TMC2: variants seen among roughly 807,000 people sequenced by gnomAD.
TMC2 encodes transmembrane channel-like protein 2.
TMC2 carries 102 observed loss-of-function variants against 105.9 expected under a neutral mutation model. The ratio of observed to expected loss-of-function variants is 0.96; its 90% CI spans 0.82 to 1.14. TMC2 has a LOEUF of 1.14. Among genes scored for constraint, TMC2 ranks in the 50% most tolerant of loss-of-function variants. TMC2 has a pLI of 0.00. For synonymous variants in TMC2, 402 were observed against 422.8 expected (o/e 0.95, Z 0.60); for missense variants, 1,093 against 1,134.3 (o/e 0.96, Z 0.52).
At chr20:2,609,640 C>T (rs2086420476) in intron 11 of TMC2, among the ~76,000 whole-genome samples, 1 of 152,106 alleles carries the variant, frequency 6.6e-6, no homozygotes, top group Non-Finnish European at 1.5e-5. Context: ...AGGCTGAACA[C>T]TACACAAACA....
chr20:2,572,382 A>G (rs2086110640), intron 5 of TMC2, 113 bp downstream of exon 5: 1 of 784,660 alleles, frequency 1.3e-6, no homozygotes, highest in Non-Finnish European at 2.2e-6. Context: ...TGCCCCCAGA[A>G]TCCTGGGTGT....
chr20:2,610,200 G>T (rs1010158187), intron 11 of TMC2, among the ~76,000 whole-genome samples: 3 of 152,146 alleles, frequency 2.0e-5, no homozygotes, highest in Non-Finnish European at 4.4e-5. Context: ...ATAGCATCTG[G>T]TCACACAGCA....
At position 2,634,187 on chromosome 20, in the gene TMC2, G is replaced by C. The variant is rs141773233; in HGVS notation, c.2307-1739G>C. Reference sequence around the variant, plus strand: ...TCTGATGAAGCCGGCCTCCCCCAACGCTGTGGTCAGTTTCCTGCCCGCTGC... The same window carrying C: ...TCTGATGAAGCCGGCCTCCCCCAACCCTGTGGTCAGTTTCCTGCCCGCTGC... On this transcript the variant is annotated intron_variant, in intron 17 of 19. Coordinates refer to ENST00000358864, the MANE Select transcript of TMC2 (RefSeq NM_080751.3). Among the ~76,000 whole-genome samples, 108 of 152,234 alleles carry C rather than the reference G, an allele frequency of 7.1e-4. 1 individual carries two copies. In the Middle Eastern group the frequency reaches 0.02, roughly 29 times the overall value.
chr20:2,613,909 C>T lies in TMC2; in HGVS notation c.1872+587C>T, dbSNP rs140418616. 1.7e-3 allele frequency: 268 copies of T among 160,508 alleles called. 1 individual carries two copies. The highest frequency in any genetic ancestry group is 6.2e-3 in the African/African-American group (257 of 41,672). The allele number at this position is 160,508 out of a possible 1,614,324, so 9.9% of individuals were successfully genotyped here. ...TGTCTCTTCCACAACACCTCACTGG[C>T]CCAGCCTGCAGTCACTGGTGTGCAT... On this transcript the variant is annotated intron_variant, in intron 14 of 19. Coordinates refer to ENST00000358864, the MANE Select transcript of TMC2 (RefSeq NM_080751.3).
intron 10 of TMC2, among the ~76,000 whole-genome samples, chr20:2,600,585 C>T (rs895287454): frequency 2.0e-5 from 3 of 151,844 alleles, no homozygotes; most frequent in African/African-American, 4.8e-5. Flanking sequence ...AACTTTGGGA[C>T]GCTGAGGCGG....
At position 2,558,968 on chromosome 20, in the gene TMC2, T is replaced by G. The variant is rs1600100267; in HGVS notation, c.401+194T>G. On this transcript the variant is annotated intron_variant, in intron 3 of 19. Transcript: ENST00000358864. The surrounding 1 kb of genome is among the most constrained non-coding windows in gnomAD (Gnocchi z 4.6). ...TGGGTTCTTCATCCCAGAACCGGGA[T>G]GAAGATCGCGGGTCCGCGCGGGGGA... 1.3e-5 allele frequency among the ~76,000 whole-genome samples: 2 copies of G among 152,196 alleles called. No individual in the cohort carries two copies. The highest frequency in any genetic ancestry group is 2.1e-4 in the South Asian group (1 of 4,826).
chr20:2,620,561 C>T (rs1047230890), intron 16 of TMC2, among the ~76,000 whole-genome samples: 5 of 152,180 alleles, frequency 3.3e-5, no homozygotes, highest in Non-Finnish European at 7.3e-5. Flanking sequence ...ATGAAAAACT[C>T]ACACAGTTTT....
Position 2,558,450 on chromosome 20 carries a change from C to T in TMC2, c.83-6C>T. 3 of 1,553,774 alleles carry T rather than the reference C, an allele frequency of 1.9e-6. No individual in the cohort carries two copies. The highest frequency in any genetic ancestry group is 1.7e-4 in the Middle Eastern group (1 of 5,874). ...ACCAGAACTGTCCATTTTCCCGCCC[C>T]GGCAGGTGACAGGCTGGGAAGGAGA... On this transcript the variant is annotated splice_region_variant and splice_polypyrimidine_tract_variant and intron_variant, in intron 2 of 19. Transcript: ENST00000358864. The surrounding 1 kb of genome is among the most constrained non-coding windows in gnomAD (Gnocchi z 4.6).
chr20:2,585,920 T>C (rs115798774), intron 7 of TMC2, among the ~76,000 whole-genome samples: 1,898 of 152,284 alleles, frequency 0.012, 50 homozygotes, highest in African/African-American at 0.043. Context: ...CCATATTTTA[T>C]TCCTTAGTAG....
At chr20:2,594,786 G>A (rs776435290) in intron 8 of TMC2, 39 bp from the exon 9 acceptor site, 3 of 1,606,040 alleles carry the variant, frequency 1.9e-6, no homozygotes, top group Non-Finnish European at 1.7e-6. Flanking sequence ...CCAGCTCTGA[G>A]CTTACCAACC....
At position 2,610,877 on chromosome 20, in the gene TMC2, ACT is replaced by A. The variant is rs748514727; in HGVS notation, c.1593+280_1593+281del. Among the ~76,000 whole-genome samples the A allele has an allele frequency of 1.6e-4, 25 of 152,060 alleles. No homozygotes were observed. In the East Asian group the frequency reaches 4.4e-3, roughly 27 times the overall value. ...ATATTTTATCTTCAGCCTTTTCCAC[ACT>A]GTTTCAGAGCTGCCATAAATGATTA... On this transcript the variant is annotated intron_variant, in intron 12 of 19. Transcript: ENST00000358864.
chr20:2,578,219 C>T (rs2086161464), intron 5 of TMC2, among the ~76,000 whole-genome samples: 3 of 152,096 alleles, frequency 2.0e-5, no homozygotes, highest in Non-Finnish European at 2.9e-5. Flanking sequence ...ACTCAGGAGG[C>T]TGAGGCAGGA....
chr20:2,604,719 GA>G (rs981437468), intron 11 of TMC2, among the ~76,000 whole-genome samples: 2 of 152,164 alleles, frequency 1.3e-5, no homozygotes, highest in Non-Finnish European at 2.9e-5. Flanking sequence ...AGGGAGGGGA[GA>G]GGGGCTGAGG....
intron 7 of TMC2, among the ~76,000 whole-genome samples, chr20:2,588,691 TTGTG>T (rs57035040): frequency 3.3e-4 from 48 of 143,576 alleles, no homozygotes; most frequent in Middle Eastern, 3.5e-3. Context: ...GCATGTGTCT[TTGTG>T]TGTGTGTGTG....
At chr20:2,641,085 C>G in intron 19 of TMC2, 49 bp from the exon 20 acceptor site, 3 of 1,549,442 alleles carry the variant, frequency 1.9e-6, no homozygotes, top group Non-Finnish European at 1.8e-6. Context: ...CCAATCCAAC[C>G]TGTACAAAAT....
rs1358605718 is a variant in TMC2, at chr20:2,616,010, C to T, written c.1873-127C>T. The T allele has an allele frequency of 7.8e-6, 5 of 644,568 alleles. No homozygotes were observed. Among genetic ancestry groups the T allele is most frequent in the Non-Finnish European group, 1.4e-5 (5 of 366,890 alleles). 39.9% of individuals were successfully genotyped at this position (644,568 alleles called of 1,614,324 possible). On this transcript the variant is annotated intron_variant, in intron 14 of 19. Transcript: ENST00000358864. This position sits in a 1 kb window ranked among gnomAD's most constrained non-coding sequence, Gnocchi z 4.8. Reference sequence around the variant, plus strand: ...TAAATCTAAGGTTCTTCTCTAGTTACCAGAGCAGGCTCTTTGGGATGGAAT... The same window carrying T: ...TAAATCTAAGGTTCTTCTCTAGTTATCAGAGCAGGCTCTTTGGGATGGAAT...
Position 2,624,258 on chromosome 20 carries a change from C to G in TMC2, c.2181-13C>G. 6.2e-7 allele frequency: 1 copy of G among 1,613,228 alleles called. No individual in the cohort carries two copies. Among genetic ancestry groups the G allele is most frequent in the Non-Finnish European group, 8.5e-7 (1 of 1,179,508 alleles). Reference sequence around the variant, plus strand: ...ATGGCAGCATGTTATATTGTGTCCTCTCCTTTTTCCAGTGGGAAAAACAGA... The same window carrying G: ...ATGGCAGCATGTTATATTGTGTCCTGTCCTTTTTCCAGTGGGAAAAACAGA... On this transcript the variant is annotated splice_polypyrimidine_tract_variant and intron_variant, in intron 16 of 19. Transcript: ENST00000358864.
intron 7 of TMC2, among the ~76,000 whole-genome samples, chr20:2,589,961 G>A (rs183025276): frequency 1.1e-4 from 17 of 152,234 alleles, no homozygotes; most frequent in Admixed American, 7.2e-4. Context: ...GAGCCACCGC[G>A]CATGGCCGGC....
chr20:2,571,741 C>A (rs528010913), intron 4 of TMC2, among the ~76,000 whole-genome samples: 39 of 152,164 alleles, frequency 2.6e-4, no homozygotes, highest in Non-Finnish European at 5.1e-4. Context: ...TGGTTCACAC[C>A]TGTAATCCCA....
Sources: allele counts gnomAD v4.1 joint callset (sites outside exome capture counted in the v4.1 genomes callset), GRCh38; gene constraint gnomAD v4.1.1; non-coding constraint Gnocchi (gnomAD v3.1); transcripts MANE v1.5; gene names NCBI Gene and HGNC (gene_info 2026-07-23, HGNC 2026-07-21).